SEPTIN9: variants seen among roughly 807,000 people sequenced by gnomAD.
The protein encoded by SEPTIN9 is septin 9.
Under a neutral mutation model 56.6 loss-of-function variants are expected in SEPTIN9, and 13 were observed. The ratio of observed to expected loss-of-function variants is 0.23; its 90% confidence interval spans 0.15 to 0.37. SEPTIN9 has a LOEUF of 0.37. Among genes scored for constraint, SEPTIN9 ranks in the 10% least tolerant of loss-of-function variants. SEPTIN9 has a pLI of 1.00. For synonymous variants in SEPTIN9, 332 were observed against 334.1 expected, an observed-to-expected ratio of 0.99 and a Z score of 0.07; for missense variants, 650 against 823.1, an observed-to-expected ratio of 0.79 and a Z score of 2.57.
chr17:77,456,153 A>AT lies in SEPTIN9; in HGVS notation c.722-25989dup, dbSNP rs1392716314. Among the ~76,000 whole-genome samples, 2 of 111,932 alleles carry AT rather than the reference A, an allele frequency of 1.8e-5. No homozygotes were observed. The highest frequency in any genetic ancestry group is 6.9e-5 in the African/African-American group (2 of 29,140). 73.4% of individuals were successfully genotyped at this position (111,932 alleles called of 152,430 possible). A position where few individuals can be genotyped will look rare whatever the true frequency, so the allele number is the denominator to read the frequency against. On this transcript the variant is annotated intron_variant, in intron 3 of 11. Transcript: ENST00000427177. The surrounding 1 kb of genome is among the most constrained non-coding windows in gnomAD (Gnocchi z 6.0). ...TAATGATGGGCTGGACAGTGGCCCC[A>AT]TTGAGTGGGAGGGAGAATCGCTGCT...
intron 3 of SEPTIN9, chr17:77,446,910 T>G (rs1598388878): frequency 6.0e-6 from 1 of 167,270 alleles, no homozygotes; most frequent in Non-Finnish European, 1.5e-5. Flanking sequence ...GTATATTTTT[T>G]TATTGTGCTA....
chr17:77,328,679 T>C (rs768996827), intron 2 of SEPTIN9, among the ~76,000 whole-genome samples: 19 of 152,148 alleles, frequency 1.2e-4, no homozygotes, highest in Admixed American at 2.6e-4. Context: ...CTGGTGAATG[T>C]TTATTGAGGC....
At chr17:77,401,331 G>C (rs1403185404) in intron 2 of SEPTIN9, among the ~76,000 whole-genome samples, 2 of 152,294 alleles carry the variant, frequency 1.3e-5, no homozygotes, top group East Asian at 3.9e-4. Flanking sequence ...GGTTACAGTT[G>C]CGGTCACTTA....
chr17:77,475,128 C>T lies in SEPTIN9; in HGVS notation c.722-7016C>T. 2 of 755,122 alleles carry T rather than the reference C, an allele frequency of 2.6e-6. No individual in the cohort carries two copies. Among genetic ancestry groups the T allele is most frequent in the Admixed American group, 4.7e-5 (1 of 21,454 alleles). 46.8% of individuals were successfully genotyped at this position (755,122 alleles called of 1,614,324 possible). A position where few individuals can be genotyped will look rare whatever the true frequency, so the allele number is the denominator to read the frequency against. Reference sequence around the variant, plus strand: ...CTTTTTGCCGGGGCTTGCCGTGAGCCCTACGCTGCTCTGAAGAAAGCCGGG... The same window carrying T: ...CTTTTTGCCGGGGCTTGCCGTGAGCTCTACGCTGCTCTGAAGAAAGCCGGG... On this transcript the variant is annotated intron_variant, in intron 3 of 11. Transcript: ENST00000427177. The surrounding 1 kb of genome is among the most constrained non-coding windows in gnomAD (Gnocchi z 4.6).
rs1167898099 is a variant in SEPTIN9, at chr17:77,429,039, C to T, written c.721+26336C>T. ...TGAGAATGGGAGCATCTCAGCAGCC[C>T]TCCGCCCCCTGCTCCTGGTTGCAGA... On this transcript the variant is annotated intron_variant, in intron 3 of 11. Transcript: ENST00000427177. The surrounding 1 kb of genome is among the most constrained non-coding windows in gnomAD (Gnocchi z 5.2). The T allele has an allele frequency of 8.5e-6, 4 of 471,384 alleles. No homozygotes were observed. Among genetic ancestry groups the T allele is most frequent in the Non-Finnish European group, 1.8e-5 (4 of 227,140 alleles). 29.2% of individuals were successfully genotyped at this position (471,384 alleles called of 1,614,324 possible). A position where few individuals can be genotyped will look rare whatever the true frequency, so the allele number is the denominator to read the frequency against.
chr17:77,295,387 G>T (rs929924210), intron 1 of SEPTIN9, among the ~76,000 whole-genome samples: 1 of 152,248 alleles, frequency 6.6e-6, no homozygotes, highest in African/African-American at 2.4e-5. Context: ...CACCTGCTGG[G>T]AGCCCAAACA....
intron 3 of SEPTIN9, among the ~76,000 whole-genome samples, chr17:77,412,344 A>T (rs1206202843): frequency 6.6e-6 from 1 of 152,144 alleles, no homozygotes; most frequent in Admixed American, 6.5e-5. Context: ...CATCTCGGTC[A>T]AGCGAGAGGG....
intron 2 of SEPTIN9, among the ~76,000 whole-genome samples, chr17:77,309,626 A>G (rs2032403889): frequency 6.6e-6 from 1 of 152,150 alleles, no homozygotes; most frequent in Non-Finnish European, 1.5e-5. Context: ...CCCCAGAAGG[A>G]CGAAGGCTCT....
intron 2 of SEPTIN9, among the ~76,000 whole-genome samples, chr17:77,338,622 T>G (rs2033631415): frequency 6.6e-6 from 1 of 152,190 alleles, no homozygotes; most frequent in Non-Finnish European, 1.5e-5. Context: ...TTTCACCTTG[T>G]TGGCCAGGCT....
At chr17:77,454,507 GC>G in intron 3 of SEPTIN9, 1 of 371,466 alleles carries the variant, frequency 2.7e-6, no homozygotes, top group Non-Finnish European at 3.7e-6. Flanking sequence ...CTAATTACAG[GC>G]CCATGAGGGT....
chr17:77,358,349 G>A (rs1035927328), intron 2 of SEPTIN9, among the ~76,000 whole-genome samples: 5 of 152,288 alleles, frequency 3.3e-5, no homozygotes, highest in African/African-American at 9.6e-5. Flanking sequence ...GGCTAGGCAC[G>A]GTGGCTCATG....
chr17:77,343,003 G>GTCTGTCTATCTA (rs71160228), intron 2 of SEPTIN9, among the ~76,000 whole-genome samples: 8,608 of 147,124 alleles, frequency 0.059, 344 homozygotes, highest in African/African-American at 0.088. Context: ...CTGTCTGTCT[G>GTCTGTCTATCTA]TCTATCTATC....
At chr17:77,486,239 A>G (rs889420424) in intron 4 of SEPTIN9, among the ~76,000 whole-genome samples, 3 of 151,870 alleles carry the variant, frequency 2.0e-5, no homozygotes. Context: ...CGTAGCTGGG[A>G]CTATAGGTGC....
At chr17:77,338,518 A>G (rs568702096) in intron 2 of SEPTIN9, among the ~76,000 whole-genome samples, 5 of 152,188 alleles carry the variant, frequency 3.3e-5, no homozygotes, top group African/African-American at 9.6e-5. Context: ...TCCCGGGTTC[A>G]AGCAATTCTC....
chr17:77,461,885 C>T lies in SEPTIN9; in HGVS notation c.722-20259C>T, dbSNP rs369617854. Among the ~76,000 whole-genome samples the T allele has an allele frequency of 6.6e-5, 10 of 152,292 alleles. No homozygotes were observed. In the South Asian group the frequency reaches 2.1e-3, roughly 32 times the overall value. On this transcript the variant is annotated intron_variant, in intron 3 of 11. Coordinates refer to ENST00000427177, the MANE Select transcript of SEPTIN9 (RefSeq NM_001113491.2). ...GCCCAAGACCCAGGAGAGCCAATGG[C>T]GTCGTTCCAGTCCCGAGACCCAGGA... is the stretch of plus-strand genomic sequence containing the variant.
intron 3 of SEPTIN9, among the ~76,000 whole-genome samples, chr17:77,439,707 C>G (rs146580221): frequency 6.6e-5 from 10 of 152,320 alleles, no homozygotes; most frequent in African/African-American, 1.4e-4. Flanking sequence ...CACTTTATGA[C>G]CGGCCCTGTC....
chr17:77,306,072 G>A (rs35024988), intron 1 of SEPTIN9, among the ~76,000 whole-genome samples: 2,663 of 151,652 alleles, frequency 0.018, 68 homozygotes, highest in Non-Finnish European at 0.024. Flanking sequence ...GGGGTGGTGG[G>A]GTGGATGGGG....
At chr17:77,295,674 G>A (rs2031778177) in intron 1 of SEPTIN9, among the ~76,000 whole-genome samples, 1 of 152,122 alleles carries the variant, frequency 6.6e-6, no homozygotes, top group Non-Finnish European at 1.5e-5. Flanking sequence ...CACACAGGAT[G>A]TGCAAACAGG....
At chr17:77,483,522 A>T (rs1021613604) in intron 4 of SEPTIN9, 1 of 152,946 alleles carries the variant, frequency 6.5e-6, no homozygotes, top group East Asian at 1.9e-4. Flanking sequence ...GCTGGAGAGA[A>T]AGAGAGGGGA....
Sources: allele counts gnomAD v4.1 joint callset (sites outside exome capture counted in the v4.1 genomes callset), GRCh38; gene constraint gnomAD v4.1.1; non-coding constraint Gnocchi (gnomAD v3.1); transcripts MANE v1.5; gene names NCBI Gene and HGNC (gene_info 2026-07-23, HGNC 2026-07-21).